The following PCP2 variants were observed in gnomAD, a reference collection of about 807,000 sequenced individuals.
PCP2 encodes the protein Purkinje cell protein 2, also known as Purkinje cell protein 2 homolog.
Under a neutral mutation model 18.3 loss-of-function variants are expected in PCP2, and 21 were observed. The ratio of observed to expected loss-of-function variants is 1.14; its 90% CI spans 0.81 to 1.65. PCP2 has a LOEUF of 1.65. Among genes scored for constraint, PCP2 ranks in the 40% most tolerant of loss-of-function variants. The pLI is 0.00. For synonymous variants in PCP2, 85 were observed against 77.6 expected, an observed-to-expected ratio of 1.10 and a Z score of -0.50; for missense variants, 202 against 201.8, an observed-to-expected ratio of 1.00 and a Z score of 0.00.
chr19:7,633,002 G>A, intron 1 of PCP2, 172 bp from the exon 2 acceptor site: 2 of 1,360,112 alleles, frequency 1.5e-6, no homozygotes, highest in Non-Finnish European at 1.9e-6. Context: ...TGAGACATGA[G>A]TCTCCTTCCC....
At position 7,633,696 on chromosome 19, in the gene PCP2, T is replaced by A; in HGVS notation, c.-239A>T. 1.8e-6 allele frequency: 1 copy of A among 568,720 alleles called. No homozygotes were observed. The highest frequency in any genetic ancestry group is 3.0e-5 in the East Asian group (1 of 33,566). 35.2% of individuals were successfully genotyped at this position (568,720 alleles called of 1,614,324 possible). On this transcript the variant is annotated 5_prime_UTR_variant, in exon 1 of 4. Coordinates refer to ENST00000311069, the MANE Select transcript of PCP2 (RefSeq NM_174895.3). ...GGGCAGGGCGACCTGAGCTTGGACC[T>A]CGCTGTGCCCAGCAGCAATGACTGG...
rs528333042 is a variant in PCP2, at chr19:7,632,930, G to A, written c.52-100C>T. 87 of 1,493,628 alleles carry A rather than the reference G, an allele frequency of 5.8e-5. No individual in the cohort carries two copies. Among genetic ancestry groups the A allele is most frequent in the Non-Finnish European group, 6.9e-5 (78 of 1,124,002 alleles). 92.5% of individuals were successfully genotyped at this position (1,493,628 alleles called of 1,614,324 possible). A position where few individuals can be genotyped will look rare whatever the true frequency, so the allele number is the denominator to read the frequency against. ...TCACACCCTGACCCCGGGGCCTGCC[G>A]TCCCCACTTCCTCAGCTCTCACCAT... On this transcript the variant is annotated intron_variant, in intron 1 of 3. Transcript: ENST00000311069. This position sits in a 1 kb window ranked among gnomAD's most constrained non-coding sequence, Gnocchi z 5.2.
At chr19:7,633,330 G>GC in intron 1 of PCP2, 77 bp downstream of exon 1, 1 of 1,342,718 alleles carries the variant, frequency 7.4e-7, no homozygotes, top group Admixed American at 2.1e-5. Context: ...TTAATTAGGT[G>GC]CCCTACAAAC....
rs1378295318 is a variant in PCP2 at position 7,632,319 on chromosome 19, G to A, written c.291+74C>T. On this transcript the variant is annotated intron_variant, in intron 3 of 3. Coordinates refer to ENST00000311069, the MANE Select transcript of PCP2 (RefSeq NM_174895.3). This position sits in a 1 kb window ranked among gnomAD's most constrained non-coding sequence, Gnocchi z 5.2. ...GATGGGGCAGGCCCTGTTCCCTCCT[G>A]GCTGGGGTGGAGGGCAGGATCGGAG... is the stretch of plus-strand genomic sequence containing the variant. The A allele has an allele frequency of 2.1e-5, 33 of 1,586,362 alleles. No individual in the cohort carries two copies. The East Asian group carries it at 7.4e-4, about 35-fold the overall frequency.
At chr19:7,635,185 G>A (rs1257666612), upstream of PCP2, among the ~76,000 whole-genome samples, 1 of 152,178 alleles carries the variant, frequency 6.6e-6, no homozygotes, top group East Asian at 1.9e-4. Context: ...AGGCGGTCCT[G>A]GCTTCCATCC....
At position 7,632,686 on chromosome 19, in the gene PCP2, C is replaced by T. The variant is rs2305887; in HGVS notation, c.166+30G>A. 355 of 1,549,782 alleles carry T rather than the reference C, an allele frequency of 2.3e-4. No individual in the cohort carries two copies. In the East Asian group the frequency reaches 5.4e-3, roughly 24 times the overall value. ...CTGCACTCCCACCCCGTTCACGCCC[C>T]ATGGACAGCACCCCCGTGCCCATGC... On this transcript the variant is annotated intron_variant, in intron 2 of 3. Coordinates refer to ENST00000311069, the MANE Select transcript of PCP2 (RefSeq NM_174895.3). This position sits in a 1 kb window ranked among gnomAD's most constrained non-coding sequence, Gnocchi z 5.2.
chr19:7,633,160 A>G (rs150142849), intron 1 of PCP2: 232 of 330,314 alleles, frequency 7.0e-4, no homozygotes, highest in African/African-American at 4.9e-3. Context: ...TCAGGGAAAC[A>G]TGGCCCAGGA....
At position 7,631,728 on chromosome 19, in the gene PCP2, A is replaced by G. The variant is rs199875794; in HGVS notation, c.372T>C (p.Arg124=). Residue 124 remains arginine, a synonymous_variant, in exon 4 of 4, where the codon CGT becomes CGC. Coordinates refer to ENST00000311069, the MANE Select transcript of PCP2 (RefSeq NM_174895.3). ...TCGGGGGCTGGGGGCTGCTGTTCCGACGGAAGCCGAGAGCGGTCGGGTCCT... is the reference window on the plus strand; with the variant it reads ...TCGGGGGCTGGGGGCTGCTGTTCCGGCGGAAGCCGAGAGCGGTCGGGTCCT... The part of the protein sequence containing the change: ...TPQDPTALGF[R]RNSSPQPPTQ... 1.4e-6 allele frequency: 2 copies of G among 1,443,490 alleles called. No individual in the cohort carries two copies. The highest frequency in any genetic ancestry group is 5.2e-5 in the East Asian group (2 of 38,460). The allele number at this position is 1,443,490 out of a possible 1,614,324, so 89.4% of individuals were successfully genotyped here. A position where few individuals can be genotyped will look rare whatever the true frequency, so the allele number is the denominator to read the frequency against.
chr19:7,633,232 G>C (rs530692571), intron 1 of PCP2, among the ~76,000 whole-genome samples, 175 bp downstream of exon 1: 1 of 152,336 alleles, frequency 6.6e-6, no homozygotes, highest in African/African-American at 2.4e-5. Flanking sequence ...CCTGCCCTCT[G>C]CCCTGGGGCC....
Position 7,632,936 on chromosome 19 carries a change from A to C in PCP2, c.52-106T>G, listed in dbSNP as rs984634611. 2.7e-5 allele frequency: 40 copies of C among 1,489,898 alleles called. No homozygotes were observed. The highest frequency in any genetic ancestry group is 3.3e-5 in the Non-Finnish European group (37 of 1,122,364). 92.3% of individuals were successfully genotyped at this position (1,489,898 alleles called of 1,614,324 possible). A position where few individuals can be genotyped will look rare whatever the true frequency, so the allele number is the denominator to read the frequency against. ...CCTGACCCCGGGGCCTGCCGTCCCC[A>C]CTTCCTCAGCTCTCACCATGGTCCC... is the stretch of plus-strand genomic sequence containing the variant. On this transcript the variant is annotated intron_variant, in intron 1 of 3. Coordinates refer to ENST00000311069, the MANE Select transcript of PCP2 (RefSeq NM_174895.3). The surrounding 1 kb of genome is among the most constrained non-coding windows in gnomAD (Gnocchi z 5.2).
At chr19:7,636,524 C>T (rs1405733751), upstream of PCP2, 1 of 150,272 alleles carries the variant, frequency 6.7e-6, no homozygotes, top group African/African-American at 2.5e-5. Flanking sequence ...TGGCTTGAAC[C>T]CAGCAGGCTC....
At position 7,632,505 on chromosome 19, in the gene PCP2, G is replaced by GT. The variant is rs2031361148; in HGVS notation, c.178dup (p.Thr60AsnfsTer21). 1.2e-6 allele frequency: 2 copies of GT among 1,613,400 alleles called. No homozygotes were observed. Among genetic ancestry groups the GT allele is most frequent in the Admixed American group, 1.7e-5 (1 of 60,016 alleles). ...GTCCATGAGGCTGTCCATCTCGGGG[G>GT]TGGGGTCGCTCTCTGCGTGGACGTT... On this transcript the variant is annotated frameshift_variant, in exon 3 of 4. Coordinates refer to ENST00000311069, the MANE Select transcript of PCP2 (RefSeq NM_174895.3). LOFTEE classifies it high-confidence loss of function. The surrounding 1 kb of genome is among the most constrained non-coding windows in gnomAD (Gnocchi z 5.2).
chr19:7,635,964 A>G (rs2031514668), upstream of PCP2, among the ~76,000 whole-genome samples: 1 of 151,984 alleles, frequency 6.6e-6, no homozygotes, highest in Non-Finnish European at 1.5e-5. Flanking sequence ...CTCTACCTGG[A>G]CATGCTGTGT....
upstream of PCP2, among the ~76,000 whole-genome samples, chr19:7,636,114 GGCA>G (rs1441466223): frequency 1.1e-4 from 17 of 152,112 alleles, no homozygotes; most frequent in African/African-American, 4.1e-4. Flanking sequence ...TTTCCTTTAG[GGCA>G]GCATGGATCC....
chr19:7,636,141 C>T (rs1057023653), upstream of PCP2: 10 of 152,198 alleles, frequency 6.6e-5, no homozygotes, highest in Non-Finnish European at 1.2e-4. Context: ...CCTATCTCCC[C>T]CAGACCTTCG....
In PCP2 at chr19:7,632,608, C is replaced by A; in HGVS notation, c.167-91G>T. On this transcript the variant is annotated intron_variant, in intron 2 of 3. Coordinates refer to ENST00000311069, the MANE Select transcript of PCP2 (RefSeq NM_174895.3). The surrounding 1 kb of genome is among the most constrained non-coding windows in gnomAD (Gnocchi z 5.2). The stretch of plus-strand genomic sequence containing the variant: ...ACCCCCACACAGATGCTTCAGGGTG[C>A]ACAACCACCTCCCACATCCCGTGCC... The A allele has an allele frequency of 6.3e-7, 1 of 1,589,672 alleles. No individual in the cohort carries two copies. The highest frequency in any genetic ancestry group is 8.5e-7 in the Non-Finnish European group (1 of 1,169,702).
chr19:7,632,645 C>T lies in PCP2; in HGVS notation c.166+71G>A. 6.4e-7 allele frequency: 1 copy of T among 1,564,898 alleles called. No homozygotes were observed. The highest frequency in any genetic ancestry group is 1.1e-5 in the South Asian group (1 of 87,992). On this transcript the variant is annotated intron_variant, in intron 2 of 3. Transcript: ENST00000311069. This position sits in a 1 kb window ranked among gnomAD's most constrained non-coding sequence, Gnocchi z 5.2. ...CCACATCCCGTGCCCCCAGGCCCTC[C>T]AGATGACCACTTGCCCTGCACTCCC...
upstream of PCP2, among the ~76,000 whole-genome samples, chr19:7,634,313 A>G (rs2031448536): frequency 6.6e-6 from 1 of 152,132 alleles, no homozygotes; most frequent in South Asian, 2.1e-4. Flanking sequence ...TTCCCTCCCC[A>G]AGACGCCTTT....
At position 7,632,481 on chromosome 19, in the gene PCP2, T is replaced by A; in HGVS notation, c.203A>T (p.Asp68Val). The A allele has an allele frequency of 1.2e-6, 2 of 1,613,582 alleles. No homozygotes were observed. Among genetic ancestry groups the A allele is most frequent in the Non-Finnish European group, 1.7e-6 (2 of 1,179,878 alleles). ...DPTPEMDSLM[D>V]MLASTQGRRM... ...GCGGCCCTGGGTACTGGCCAGCATG[T>A]CCATGAGGCTGTCCATCTCGGGGGT... is the stretch of plus-strand genomic sequence containing the variant. The change falls in exon 3 of 4, where the codon GAC becomes GTC. Residue 68 changes from aspartate (D) to valine (V), a missense_variant. Physicochemically the swap from Asp to Val is radical, Grantham distance 152. Transcript: ENST00000311069. The surrounding 1 kb of genome is among the most constrained non-coding windows in gnomAD (Gnocchi z 5.2).
Sources: allele counts gnomAD v4.1 joint callset (sites outside exome capture counted in the v4.1 genomes callset), GRCh38; gene constraint gnomAD v4.1.1; non-coding constraint Gnocchi (gnomAD v3.1); transcripts MANE v1.5; gene names NCBI Gene and HGNC (gene_info 2026-07-23, HGNC 2026-07-21).